Variants in SMIM21 observed in about 807,000 individuals in gnomAD.
SMIM21 encodes chromosome 18 open reading frame 62.
SMIM21 carries 8 observed loss-of-function variants against 8.6 expected under a neutral mutation model. The ratio of observed to expected loss-of-function variants is 0.93; its 90% CI spans 0.55 to 1.68. The LOEUF is 1.68. SMIM21 is among the 40% of genes most tolerant of loss of function. SMIM21 has a pLI of 0.00. For missense variants in SMIM21, 132 were observed against 123.0 expected (o/e 1.07, Z -0.35); for synonymous variants, 43 against 41.7 (o/e 1.03, Z -0.12).
chr18:75,424,759 C>T (rs956507119), intron 1 of SMIM21, among the ~76,000 whole-genome samples: 17 of 152,242 alleles, frequency 1.1e-4, no homozygotes, highest in African/African-American at 3.1e-4. Flanking sequence ...ACAATGAACA[C>T]TTCTTTCTTA....
chr18:75,426,365 A>G (rs1392740073), intron 1 of SMIM21, among the ~76,000 whole-genome samples: 1 of 151,930 alleles, frequency 6.6e-6, no homozygotes, highest in African/African-American at 2.4e-5. Flanking sequence ...CCTGGAGTGC[A>G]GTGGCACAAT....
chr18:75,425,256 C>T (rs954721877), intron 1 of SMIM21, among the ~76,000 whole-genome samples: 2 of 152,114 alleles, frequency 1.3e-5, no homozygotes, highest in African/African-American at 4.8e-5. Context: ...CCAGTCACTG[C>T]CTGCAAACAG....
Position 75,410,926 on chromosome 18 carries a change from G to C in SMIM21, c.261-17C>G. 1 of 1,613,214 alleles carries C rather than the reference G, an allele frequency of 6.2e-7. No individual in the cohort carries two copies. Among genetic ancestry groups the C allele is most frequent in the Non-Finnish European group, 8.5e-7 (1 of 1,179,660 alleles). ...CGTAGAAAGCTGCAAGAGACAAAAGGGGGAAAAAGCATTTTATTTTTTTGA... is the reference window on the plus strand; with the variant it reads ...CGTAGAAAGCTGCAAGAGACAAAAGCGGGAAAAAGCATTTTATTTTTTTGA... On this transcript the variant is annotated splice_polypyrimidine_tract_variant and intron_variant, in intron 2 of 2. Coordinates refer to ENST00000579022, the MANE Select transcript of SMIM21 (RefSeq NM_001037331.3).
intron 2 of SMIM21, among the ~76,000 whole-genome samples, chr18:75,412,855 C>A (rs1196837089): frequency 6.6e-6 from 1 of 152,154 alleles, no homozygotes; most frequent in South Asian, 2.1e-4. Context: ...GTTTTTCTTT[C>A]TCCTTCCTCC....
chr18:75,418,755 T>C, intron 2 of SMIM21, 31 bp downstream of exon 2: 1 of 1,560,336 alleles, frequency 6.4e-7, no homozygotes, highest in Non-Finnish European at 8.7e-7. Context: ...GTAGTATTTT[T>C]TTTTAACTGC....
intron 1 of SMIM21, among the ~76,000 whole-genome samples, chr18:75,419,424 G>A (rs771815024): frequency 6.6e-5 from 10 of 152,114 alleles, no homozygotes; most frequent in Non-Finnish European, 1.2e-4. Flanking sequence ...CTCAAATCAT[G>A]CCATATATCA....
At chr18:75,410,962 C>G in intron 2 of SMIM21, 53 bp from the exon 3 acceptor site, 1 of 1,584,168 alleles carries the variant, frequency 6.3e-7, no homozygotes, top group South Asian at 1.1e-5. Context: ...TAGATATAAT[C>G]AAAATATTAC....
At chr18:75,419,329 C>T (rs964675754) in intron 1 of SMIM21, among the ~76,000 whole-genome samples, 12 of 152,220 alleles carry the variant, frequency 7.9e-5, no homozygotes, top group Middle Eastern at 3.4e-3. Context: ...TTTAGTGTTC[C>T]AGTGTGATTT....
At chr18:75,421,572 T>C (rs752690903) in intron 1 of SMIM21, among the ~76,000 whole-genome samples, 12 of 151,988 alleles carry the variant, frequency 7.9e-5, no homozygotes, top group Non-Finnish European at 1.5e-4. Flanking sequence ...CTAGTGTTTC[T>C]CTCACGTGGA....
At chr18:75,414,659 C>A (rs1387220084) in intron 2 of SMIM21, among the ~76,000 whole-genome samples, 3 of 152,218 alleles carry the variant, frequency 2.0e-5, no homozygotes, top group African/African-American at 7.2e-5. Context: ...ATCATCCAAA[C>A]CCTCAGCTGT....
intron 2 of SMIM21, among the ~76,000 whole-genome samples, chr18:75,414,241 T>A (rs2024619319): frequency 6.7e-6 from 1 of 150,106 alleles, no homozygotes; most frequent in Non-Finnish European, 1.5e-5. Context: ...TAAAAATAAA[T>A]TTTTTTTGTC....
intron 1 of SMIM21, among the ~76,000 whole-genome samples, chr18:75,424,626 G>T (rs967475237): frequency 2.6e-5 from 4 of 152,110 alleles, no homozygotes; most frequent in Non-Finnish European, 5.9e-5. Context: ...GCATAGTAAT[G>T]GATTTTTAAA....
chr18:75,415,333 A>G (rs568510788), intron 2 of SMIM21, among the ~76,000 whole-genome samples: 1 of 152,300 alleles, frequency 6.6e-6, no homozygotes, highest in East Asian at 1.9e-4. Flanking sequence ...TGTTCTCTGT[A>G]TGGAGATGGG....
intron 1 of SMIM21, among the ~76,000 whole-genome samples, chr18:75,423,382 CT>C (rs1276378095): frequency 6.6e-6 from 1 of 152,180 alleles, no homozygotes; most frequent in East Asian, 1.9e-4. Flanking sequence ...GGAGAAAAAC[CT>C]TGGAAACAGA....
chr18:75,412,890 T>C (rs2024598683), intron 2 of SMIM21, among the ~76,000 whole-genome samples: 1 of 152,214 alleles, frequency 6.6e-6, no homozygotes, highest in South Asian at 2.1e-4. Context: ...TGCTGTTCGT[T>C]GTACCTTGAA....
At chr18:75,420,091 GT>G (rs1423397404) in intron 1 of SMIM21, among the ~76,000 whole-genome samples, 1 of 152,232 alleles carries the variant, frequency 6.6e-6, no homozygotes, top group Non-Finnish European at 1.5e-5. Flanking sequence ...GCTGAAAGTA[GT>G]TAAGCTTAGG....
At position 75,421,714 on chromosome 18, in the gene SMIM21, T is replaced by C. The variant is rs947706131; in HGVS notation, c.130-2798A>G. Among the ~76,000 whole-genome samples, 3 of 152,174 alleles carry C rather than the reference T, an allele frequency of 2.0e-5. No individual in the cohort carries two copies. The East Asian group carries it at 5.8e-4, about 29-fold the overall frequency. ...GCTGCAGGCCTGTAGGAGAAGCCTT[T>C]GTTCAGCTCAGCTCCATGTCCAGAA... On this transcript the variant is annotated intron_variant, in intron 1 of 2. Transcript: ENST00000579022.
intron 2 of SMIM21, chr18:75,416,939 C>T (rs964420949): frequency 1.2e-4 from 18 of 152,176 alleles, no homozygotes; most frequent in African/African-American, 4.3e-4. Context: ...CATGTTGGTT[C>T]TTCTGTTCCA....
chr18:75,422,876 T>C (rs1258140868), intron 1 of SMIM21, among the ~76,000 whole-genome samples: 2 of 152,226 alleles, frequency 1.3e-5, no homozygotes, highest in Non-Finnish European at 2.9e-5. Flanking sequence ...AAATTAGTTA[T>C]GGTAAAAGTT....
Sources: allele counts gnomAD v4.1 joint callset (sites outside exome capture counted in the v4.1 genomes callset), GRCh38; gene constraint gnomAD v4.1.1; transcripts MANE v1.5; gene names NCBI Gene and HGNC (gene_info 2026-07-23, HGNC 2026-07-21).